The following TMEM67 variants were observed in gnomAD, a reference collection of about 807,000 sequenced individuals.
TMEM67 encodes the protein meckelin.
Under a neutral mutation model 136.6 loss-of-function variants are expected in TMEM67, and 124 were observed. The observed-to-expected ratio is 0.91, with a 90% CI of 0.78 to 1.05. TMEM67 has a LOEUF of 1.05. TMEM67 is among the 50% of genes least tolerant of loss of function. The pLI, the probability that TMEM67 is intolerant of heterozygous loss-of-function variation, is 0.00. For missense variants in TMEM67, 1,107 were observed against 1,178.4 expected (o/e 0.94, Z 0.89); for synonymous variants, 364 against 390.5 (o/e 0.93, Z 0.80).
intron 7 of TMEM67, among the ~76,000 whole-genome samples, chr8:93,775,710 A>G (rs754713239): frequency 6.6e-6 from 1 of 152,116 alleles, no homozygotes; most frequent in Non-Finnish European, 1.5e-5. Flanking sequence ...CCATTGGTCT[A>G]TGTATCTGTT....
chr8:93,804,727 G>C, intron 22 of TMEM67, 35 bp from the exon 23 acceptor site: 1 of 1,194,942 alleles, frequency 8.4e-7, no homozygotes, highest in Non-Finnish European at 1.2e-6. Context: ...TTGCAGATGA[G>C]TTGCTATTTG....
the TMEM67 span, among the ~76,000 whole-genome samples, chr8:93,830,763 T>C: frequency 0.022 from 3,351 of 152,350 alleles, 114 homozygotes; most frequent in African/African-American, 0.075. Context: ...GCCCAGCTTC[T>C]GTAGACTCAG....
At chr8:93,767,549 A>T (rs1813130271) in intron 6 of TMEM67, among the ~76,000 whole-genome samples, 1 of 152,204 alleles carries the variant, frequency 6.6e-6, no homozygotes, top group Admixed American at 6.5e-5. Flanking sequence ...ATTGTAAGGA[A>T]GAACTATCTC....
intron 20 of TMEM67, among the ~76,000 whole-genome samples, chr8:93,798,276 T>TA (rs1328508994): frequency 4.6e-5 from 7 of 152,152 alleles, no homozygotes; most frequent in African/African-American, 7.2e-5. Context: ...GGCTCACCCT[T>TA]AGAGACTATG....
chr8:93,791,336 CT>C lies in TMEM67; in HGVS notation c.1575+21del, dbSNP rs773698132. ...CAGACAGATGTAAGTTTATTTTAAC[CT>C]TTTAAAATATATACAGTGTATTTTA... On this transcript the variant is annotated intron_variant, in intron 15 of 27. Coordinates refer to ENST00000453321, the MANE Select transcript of TMEM67 (RefSeq NM_153704.6). 3 of 1,529,932 alleles carry C rather than the reference CT, an allele frequency of 2.0e-6. No homozygotes were observed. The highest frequency in any genetic ancestry group is 2.7e-5 in the African/African-American group (2 of 73,148). 94.8% of individuals were successfully genotyped at this position (1,529,932 alleles called of 1,614,324 possible). A position where few individuals can be genotyped will look rare whatever the true frequency, so the allele number is the denominator to read the frequency against.
intron 27 of TMEM67, among the ~76,000 whole-genome samples, 163 bp downstream of exon 27, chr8:93,815,610 C>T (rs1586102066): frequency 6.6e-6 from 1 of 152,144 alleles, no homozygotes; most frequent in South Asian, 2.1e-4. Context: ...AACATTTCAA[C>T]CAACTGTACT....
Position 93,785,274 on chromosome 8 carries a change from A to G in TMEM67, c.1184A>G (p.Tyr395Cys). The change falls in exon 12 of 28, where the codon TAT (tyrosine) becomes TGT (cysteine). Residue 395 changes from tyrosine to cysteine, a missense_variant. Physicochemically the swap from Tyr to Cys is radical, Grantham distance 194. Around this residue, in one of 3 missense-constraint regions of TMEM67, gnomAD observed 925 missense variants for 1,002.4 expected, o/e 0.92. Coordinates refer to ENST00000453321, the MANE Select transcript of TMEM67 (RefSeq NM_153704.6). ...ATTGACTTTCCCACTCCTATATTTT[A>G]TGATGTGTACCTTGAATATACTGAT... is the stretch of plus-strand genomic sequence containing the variant. ...ILIDFPTPIF[Y>C]DVYLEYTDEN... 2 of 1,602,900 alleles carry G rather than the reference A, an allele frequency of 1.2e-6. No individual in the cohort carries two copies. Among genetic ancestry groups the G allele is most frequent in the Non-Finnish European group, 1.7e-6 (2 of 1,170,586 alleles).
rs1814987288 is a variant in TMEM67 at position 93,803,988 on chromosome 8, C to T, written c.2322+304C>T. Among the ~76,000 whole-genome samples the T allele has an allele frequency of 2.0e-5, 3 of 151,422 alleles. No individual in the cohort carries two copies. The South Asian group carries it at 6.3e-4, about 32-fold the overall frequency. On this transcript the variant is annotated intron_variant, in intron 22 of 27. Coordinates refer to ENST00000453321, the MANE Select transcript of TMEM67 (RefSeq NM_153704.6). Reference sequence around the variant, plus strand: ...CTCTCAGGTTCAAGCAATTCTCATACCTCAACCTCCTGAGTAGCTGGGATT... The same window carrying T: ...CTCTCAGGTTCAAGCAATTCTCATATCTCAACCTCCTGAGTAGCTGGGATT...
chr8:93,759,494 CATT>C (rs1391045719), intron 3 of TMEM67: 5 of 147,140 alleles, frequency 3.4e-5, no homozygotes, highest in African/African-American at 1.3e-4. Context: ...AGTAAAATAT[CATT>C]GTTTACAGAT....
chr8:93,759,345 C>G (rs1171911487), intron 3 of TMEM67: 2 of 151,370 alleles, frequency 1.3e-5, no homozygotes, highest in Non-Finnish European at 2.9e-5. Context: ...CACCTGTAGT[C>G]CCAGCTACTC....
intron 21 of TMEM67, 80 bp from the exon 22 acceptor site, chr8:93,803,524 C>A: frequency 1.1e-6 from 1 of 914,186 alleles, no homozygotes; most frequent in South Asian, 1.4e-5. Context: ...ACTTTTTTTT[C>A]TTAAGATGCT....
chr8:93,774,408 A>G (rs1036413426), intron 7 of TMEM67, among the ~76,000 whole-genome samples: 29 of 152,292 alleles, frequency 1.9e-4, no homozygotes, highest in African/African-American at 6.5e-4. Context: ...CATGTGCACA[A>G]CATGCAGGTT....
intron 3 of TMEM67, chr8:93,762,886 C>A: frequency 2.6e-6 from 1 of 380,628 alleles, no homozygotes. Flanking sequence ...TTTCAGTTAA[C>A]GGTATGCTCT....
At position 93,766,595 on chromosome 8, in the gene TMEM67, TACTG is replaced by T. The variant is rs1813093576; in HGVS notation, c.651+951_651+954del. On this transcript the variant is annotated intron_variant, in intron 6 of 27. Transcript: ENST00000453321. ...GATGACTAGGAGTTACAATAGGAAT[TACTG>T]AATGAACATTGAAGATGCTTAGTAT... Among the ~76,000 whole-genome samples, 3 of 152,266 alleles carry T rather than the reference TACTG, an allele frequency of 2.0e-5. No individual in the cohort carries two copies. In the South Asian group the frequency reaches 6.2e-4, roughly 32 times the overall value.
chr8:93,772,408 A>T (rs1413823704), intron 6 of TMEM67, among the ~76,000 whole-genome samples, 181 bp from the exon 7 acceptor site: 1 of 152,126 alleles, frequency 6.6e-6, no homozygotes, highest in East Asian at 1.9e-4. Flanking sequence ...CCTAAGTGTG[A>T]TTATTTTGTA....
intron 22 of TMEM67, 124 bp from the exon 23 acceptor site, chr8:93,804,638 A>G (rs1450402302): frequency 1.6e-6 from 1 of 621,074 alleles, no homozygotes; most frequent in African/African-American, 1.9e-5. Flanking sequence ...TATCCTCTTT[A>G]TATATTTCCC....
At chr8:93,769,160 G>A (rs547490356) in intron 6 of TMEM67, among the ~76,000 whole-genome samples, 16 of 152,218 alleles carry the variant, frequency 1.1e-4, no homozygotes, top group East Asian at 3.9e-4. Context: ...CAACACTGGC[G>A]CGGGCAGGGA....
At position 93,803,595 on chromosome 8, in the gene TMEM67, A is replaced by G; in HGVS notation, c.2242-9A>G. ...AGCTAATAAGCATAAACTTGACTTA[A>G]TGTTTCAGGTCGTGTTCTTTGCTGT... On this transcript the variant is annotated splice_polypyrimidine_tract_variant and intron_variant, in intron 21 of 27. Transcript: ENST00000453321. 1 of 1,557,396 alleles carries G rather than the reference A, an allele frequency of 6.4e-7. No homozygotes were observed. The highest frequency in any genetic ancestry group is 8.9e-7 in the Non-Finnish European group (1 of 1,128,696).
chr8:93,796,897 A>G (rs1814644193), intron 18 of TMEM67, among the ~76,000 whole-genome samples: 1 of 152,214 alleles, frequency 6.6e-6, no homozygotes, highest in African/African-American at 2.4e-5. Context: ...TTTTAAAGAA[A>G]GAAAGAAAAA....
Sources: allele counts gnomAD v4.1 joint callset (sites outside exome capture counted in the v4.1 genomes callset), GRCh38; gene constraint gnomAD v4.1.1; regional missense constraint gnomAD v4.1.1; transcripts MANE v1.5; gene names NCBI Gene and HGNC (gene_info 2026-07-23, HGNC 2026-07-21).